The following FAAH2 variants were observed in gnomAD, a reference collection of about 807,000 sequenced individuals.
FAAH2 encodes fatty-acid amide hydrolase 2.
A neutral mutation model predicts 36.9 loss-of-function variants in FAAH2; 60 were observed. The ratio of observed to expected loss-of-function variants is 1.63; its 90% CI spans 1.32 to 2.02. The LOEUF (loss-of-function observed/expected upper bound fraction) is 2.02. FAAH2 is among the 30% of genes most tolerant of loss of function. FAAH2 has a pLI of 0.00. For missense variants in FAAH2, 689 were observed against 397.5 expected, an observed-to-expected ratio of 1.73 and a Z score of -6.23; for synonymous variants, 214 against 143.8, an observed-to-expected ratio of 1.49 and a Z score of -3.49.
chrX:57,379,545 TCACACACA>T (rs773400915), intron 6 of FAAH2, among the ~76,000 whole-genome samples: 1 of 70,458 alleles, frequency 1.4e-5, no homozygotes, highest in South Asian at 6.3e-4. Flanking sequence ...TCTCTCTCTC[TCACACACA>T]CACACACACA....
At chrX:57,411,406 T>C (rs1196231980) in intron 7 of FAAH2, among the ~76,000 whole-genome samples, 1 of 111,253 alleles carries the variant, frequency 9.0e-6, no homozygotes, top group Non-Finnish European at 1.9e-5. Flanking sequence ...ATGTGTGGGG[T>C]GCTTTCCACT....
intron 2 of FAAH2, among the ~76,000 whole-genome samples, chrX:57,294,895 T>C (rs1376682178): frequency 1.8e-5 from 2 of 110,891 alleles, no homozygotes; most frequent in Non-Finnish European, 3.8e-5. Flanking sequence ...GAATTTAATA[T>C]AGGGAATTGG....
At chrX:57,404,530 G>C (rs908093003) in intron 7 of FAAH2, among the ~76,000 whole-genome samples, 1 of 111,559 alleles carries the variant, frequency 9.0e-6, no homozygotes, top group Non-Finnish European at 1.9e-5. Context: ...GTAGGGAATG[G>C]GTCCCACATA....
intron 8 of FAAH2, among the ~76,000 whole-genome samples, chrX:57,443,555 A>T (rs1022743621): frequency 7.2e-5 from 8 of 111,569 alleles, no homozygotes; most frequent in African/African-American, 2.3e-4. Flanking sequence ...GCGTTCGAAG[A>T]TCCTCCTTTA....
chrX:57,464,096 G>A (rs1349301263), intron 10 of FAAH2, among the ~76,000 whole-genome samples: 1 of 112,011 alleles, frequency 8.9e-6, no homozygotes, highest in Non-Finnish European at 1.9e-5. Flanking sequence ...AGTTCATGAT[G>A]TCCTTTGCAG....
At chrX:57,398,255 G>T (rs764063519) in intron 7 of FAAH2, among the ~76,000 whole-genome samples, 1 of 111,986 alleles carries the variant, frequency 8.9e-6, no homozygotes, top group African/African-American at 3.2e-5. Flanking sequence ...CAACCCAAAT[G>T]CCCATCAATG....
the FAAH2 span, among the ~76,000 whole-genome samples, chrX:57,189,552 C>A: frequency 2.7e-5 from 3 of 109,821 alleles, no homozygotes; most frequent in Non-Finnish European, 5.7e-5. Context: ...AAGCAGATGA[C>A]CTTTAAATGG....
At chrX:57,385,765 G>A (rs918154923) in intron 7 of FAAH2, among the ~76,000 whole-genome samples, 4 of 110,810 alleles carry the variant, frequency 3.6e-5, no homozygotes, top group Non-Finnish European at 5.7e-5. Flanking sequence ...AAAATTAGCC[G>A]GGCGCGGTGG....
At chrX:57,166,853 A>G in the FAAH2 span, among the ~76,000 whole-genome samples, 1 of 111,707 alleles carries the variant, frequency 9.0e-6, no homozygotes, top group Non-Finnish European at 1.9e-5. Flanking sequence ...CTAGATAAAA[A>G]CTGACTTGAT....
intron 2 of FAAH2, among the ~76,000 whole-genome samples, chrX:57,308,087 A>G (rs1007935243): frequency 8.9e-6 from 1 of 111,812 alleles, no homozygotes; most frequent in African/African-American, 3.3e-5. Flanking sequence ...CGATTGTGAT[A>G]GCATAGTGAT....
In FAAH2 at chrX:57,354,496, A is replaced by G. The variant is rs766148716; in HGVS notation, c.742+13106A>G. 1.0e-4 allele frequency among the ~76,000 whole-genome samples: 11 copies of G among 110,236 alleles called. No homozygotes were observed. In the East Asian group the frequency reaches 3.2e-3, roughly 32 times the overall value. ...GGGTACAATGCACATTATTCAGGTG[A>G]TGGATACCCTGCAAGCCCTGATTTG... is the stretch of plus-strand genomic sequence containing the variant. On this transcript the variant is annotated intron_variant, in intron 5 of 10. Coordinates refer to ENST00000374900, the MANE Select transcript of FAAH2 (RefSeq NM_174912.4).
chrX:57,335,386 G>T (rs1425343176), intron 4 of FAAH2, among the ~76,000 whole-genome samples: 1 of 112,358 alleles, frequency 8.9e-6, no homozygotes, highest in Non-Finnish European at 1.9e-5. Flanking sequence ...TAGGATAATA[G>T]TGGAGAGAAG....
At chrX:57,417,476 A>G (rs2055874856) in intron 7 of FAAH2, among the ~76,000 whole-genome samples, 1 of 112,158 alleles carries the variant, frequency 8.9e-6, no homozygotes, top group African/African-American at 3.2e-5. Flanking sequence ...ATTTTCTAAC[A>G]GTCAGGCCCC....
chrX:57,264,818 G>A, the FAAH2 span, among the ~76,000 whole-genome samples: 2 of 112,594 alleles, frequency 1.8e-5, no homozygotes, highest in Non-Finnish European at 3.8e-5. Flanking sequence ...TAAAGAAAAT[G>A]TGGAATTAGG....
At chrX:57,140,511 C>T in the FAAH2 span, among the ~76,000 whole-genome samples, 17 of 103,276 alleles carry the variant, frequency 1.6e-4, no homozygotes, top group South Asian at 6.9e-3. Flanking sequence ...AGGAGAATGG[C>T]GTGAACCCGG....
intron 6 of FAAH2, among the ~76,000 whole-genome samples, chrX:57,380,526 C>T (rs1321191138): frequency 8.9e-5 from 10 of 111,932 alleles, no homozygotes; most frequent in East Asian, 5.6e-4. Context: ...GCCTCATTTC[C>T]GATTTTTCTC....
At chrX:57,382,471 C>G (rs758823827) in intron 7 of FAAH2, among the ~76,000 whole-genome samples, 40 of 111,386 alleles carry the variant, frequency 3.6e-4, no homozygotes, top group Non-Finnish European at 7.3e-4. Context: ...CAAATAGACG[C>G]AATAAAAAAT....
chrX:57,295,540 G>A (rs375863264), intron 2 of FAAH2, among the ~76,000 whole-genome samples: 1 of 112,199 alleles, frequency 8.9e-6, no homozygotes, highest in Non-Finnish European at 1.9e-5. Flanking sequence ...CGACGCAGAA[G>A]ATGGGTGATT....
Position 57,335,727 on chromosome X carries a change from T to C in FAAH2, c.622+3920T>C, listed in dbSNP as rs758472815. On this transcript the variant is annotated intron_variant, in intron 4 of 10. Coordinates refer to ENST00000374900, the MANE Select transcript of FAAH2 (RefSeq NM_174912.4). ...TTACGGGTGTTGGGCTGGGGGACAG[T>C]CAGGTCTTTCCCTTCCCACGAGGCC... 1.2e-4 allele frequency among the ~76,000 whole-genome samples: 13 copies of C among 111,691 alleles called. No homozygotes were observed. The South Asian group carries it at 4.9e-3, about 42-fold the overall frequency.
Sources: allele counts gnomAD v4.1 joint callset (sites outside exome capture counted in the v4.1 genomes callset), GRCh38; gene constraint gnomAD v4.1.1; transcripts MANE v1.5; gene names NCBI Gene and HGNC (gene_info 2026-07-23, HGNC 2026-07-21).